NRG1: variants seen among roughly 807,000 people sequenced by gnomAD.
NRG1 encodes the protein pro-neuregulin-1, membrane-bound isoform.
In NRG1, 18 loss-of-function variants were observed where a neutral mutation model predicts 63.8. That is an observed-to-expected ratio of 0.28 (90% CI 0.19 to 0.42). The LOEUF is 0.42. Ranked by LOEUF, NRG1 falls within the 10% of genes least tolerant of loss-of-function variation. NRG1 has a pLI of 1.00. For synonymous variants in NRG1, 302 were observed against 301.3 expected (o/e 1.00, Z -0.02); for missense variants, 762 against 814.7 (o/e 0.94, Z 0.79).
chr8:31,697,085 T>C (rs2131165137), intron 1 of NRG1, among the ~76,000 whole-genome samples: 1 of 152,304 alleles, frequency 6.6e-6, no homozygotes, highest in South Asian at 2.1e-4. Flanking sequence ...TGTGAAGTTT[T>C]CTTTTTCTGG....
At chr8:31,642,940 T>C (rs1287408758) in intron 1 of NRG1, among the ~76,000 whole-genome samples, 2 of 152,100 alleles carry the variant, frequency 1.3e-5, no homozygotes, top group African/African-American at 4.8e-5. Flanking sequence ...TTATATGATG[T>C]AAATTCAGTA....
intron 1 of NRG1, among the ~76,000 whole-genome samples, chr8:32,412,422 A>G (rs202230169): frequency 2.3e-5 from 1 of 43,240 alleles, no homozygotes; most frequent in Non-Finnish European, 5.1e-5. Context: ...CTCTCTCTCT[A>G]CATATATATA....
rs189730123 is a variant in NRG1, at chr8:31,658,683, G to C, written c.37+19252G>C. ...TCACTGTGTTGGCCAGGCTGGTCTC[G>C]AATTCCTAACCTCAAGTAATCTGCC... On this transcript the variant is annotated intron_variant, in intron 1 of 10. Coordinates refer to the NRG1 transcript ENST00000519301. Among the ~76,000 whole-genome samples, 6 of 152,200 alleles carry C rather than the reference G, an allele frequency of 3.9e-5. No homozygotes were observed. The East Asian group carries it at 1.2e-3, about 30-fold the overall frequency.
At chr8:32,079,442 C>T (rs147180680) in intron 1 of NRG1, among the ~76,000 whole-genome samples, 121 of 152,264 alleles carry the variant, frequency 7.9e-4, no homozygotes, top group Middle Eastern at 6.8e-3. Flanking sequence ...ATGGTATTAT[C>T]CCAACTTACA....
chr8:31,889,449 A>G (rs1490923703), intron 1 of NRG1, among the ~76,000 whole-genome samples: 2 of 152,174 alleles, frequency 1.3e-5, no homozygotes, highest in African/African-American at 4.8e-5. Context: ...CAGAACAAAG[A>G]GAATACATTT....
chr8:32,256,316 G>A (rs1042326268), intron 1 of NRG1, among the ~76,000 whole-genome samples: 6 of 152,166 alleles, frequency 3.9e-5, no homozygotes, highest in African/African-American at 1.4e-4. Flanking sequence ...ATCCTCATCT[G>A]TGTGGATTTA....
chr8:32,466,766 G>A (rs970133594), intron 1 of NRG1, among the ~76,000 whole-genome samples: 1 of 151,904 alleles, frequency 6.6e-6, no homozygotes, highest in African/African-American at 2.4e-5. Flanking sequence ...TTTTCTGCTT[G>A]GATGGACTCA....
chr8:32,121,401 G>A (rs1328812415), intron 1 of NRG1, among the ~76,000 whole-genome samples: 1 of 31,904 alleles, frequency 3.1e-5, no homozygotes, highest in Admixed American at 5.8e-4. Context: ...GGGAAATCGT[G>A]TGTGTGTGTG....
chr8:32,714,149 A>T lies in NRG1; in HGVS notation c.503-13800A>T, dbSNP rs1818577604. Among the ~76,000 whole-genome samples the T allele has an allele frequency of 2.0e-5, 3 of 152,176 alleles. No homozygotes were observed. In the South Asian group the frequency reaches 6.2e-4, roughly 31 times the overall value. ...CGAAAAGAAATATTTTGATGCTATGAATGCATTTGTCATTTCTATTCTGTT... is the reference window on the plus strand; with the variant it reads ...CGAAAAGAAATATTTTGATGCTATGTATGCATTTGTCATTTCTATTCTGTT... On this transcript the variant is annotated intron_variant, in intron 5 of 11. Coordinates refer to ENST00000356819, the Ensembl canonical transcript of NRG1.
intron 1 of NRG1, among the ~76,000 whole-genome samples, chr8:31,657,826 G>A (rs1467680986): frequency 6.6e-6 from 1 of 152,150 alleles, no homozygotes; most frequent in Non-Finnish European, 1.5e-5. Context: ...TGCAGCTGCT[G>A]GGAGGCAGAA....
intron 1 of NRG1, among the ~76,000 whole-genome samples, chr8:32,065,545 A>G (rs1247121690): frequency 6.6e-6 from 1 of 152,204 alleles, no homozygotes; most frequent in African/African-American, 2.4e-5. Flanking sequence ...ATAGTATTCC[A>G]TGGTGTATAT....
At chr8:31,938,318 C>A (rs1801237773) in intron 1 of NRG1, among the ~76,000 whole-genome samples, 1 of 152,130 alleles carries the variant, frequency 6.6e-6, no homozygotes, top group Non-Finnish European at 1.5e-5. Flanking sequence ...ACAATCCCTA[C>A]AATTCATCTC....
In NRG1 at chr8:32,596,025, T is replaced by C. The variant is rs1020397667; in HGVS notation, c.278+20T>C. The C allele has an allele frequency of 3.8e-6, 6 of 1,581,744 alleles. No individual in the cohort carries two copies. In the South Asian group the frequency reaches 6.8e-5, roughly 18 times the overall value. On this transcript the variant is annotated intron_variant, in intron 2 of 11. Coordinates refer to ENST00000356819, the Ensembl canonical transcript of NRG1. ...GCCAGGGTAAGTATAATGCATAAAA[T>C]AGTAGAGACTGCCCCCAGCAATAAG...
chr8:32,340,790 C>G (rs762305013), intron 1 of NRG1, among the ~76,000 whole-genome samples: 3 of 152,172 alleles, frequency 2.0e-5, no homozygotes, highest in Non-Finnish European at 4.4e-5. Flanking sequence ...ACTTTTTCTG[C>G]TATATCAGGG....
At chr8:32,370,501 A>G (rs1808669706) in intron 1 of NRG1, among the ~76,000 whole-genome samples, 1 of 152,180 alleles carries the variant, frequency 6.6e-6, no homozygotes, top group East Asian at 1.9e-4. Flanking sequence ...ATTTTCATTC[A>G]GTACAAGCAG....
At chr8:32,485,264 G>A (rs10110271) in intron 1 of NRG1, among the ~76,000 whole-genome samples, 4,700 of 152,058 alleles carry the variant, frequency 0.031, 264 homozygotes, top group African/African-American at 0.1. Context: ...ATAGTACCAC[G>A]CCCAGCTAAT....
At chr8:32,453,471 T>C (rs1417054739) in intron 1 of NRG1, among the ~76,000 whole-genome samples, 2 of 152,198 alleles carry the variant, frequency 1.3e-5, no homozygotes, top group African/African-American at 4.8e-5. Context: ...CACCTCTGCG[T>C]GTGTAAACAT....
In NRG1 at chr8:32,261,129, C is replaced by T. The variant is rs182668758; in HGVS notation, c.38-334699C>T. ...CAGAGAGTTCCTGTATACCTGTCTT[C>T]TAGCTTATGCTAATGTGGAAAACTT... On this transcript the variant is annotated intron_variant, in intron 1 of 10. Coordinates refer to the NRG1 transcript ENST00000519301. Among the ~76,000 whole-genome samples, 61 of 152,286 alleles carry T rather than the reference C, an allele frequency of 4.0e-4. No individual in the cohort carries two copies. In the East Asian group the frequency reaches 0.01, roughly 26 times the overall value.
chr8:31,722,017 C>CT (rs112247327), intron 1 of NRG1, among the ~76,000 whole-genome samples: 6 of 152,208 alleles, frequency 3.9e-5, no homozygotes, highest in African/African-American at 1.2e-4. Flanking sequence ...TCTTTCCAAA[C>CT]TTTCCTTTCC....
Sources: gnomAD v4.1 joint callset for allele counts (sites outside exome capture counted in the v4.1 genomes callset) on GRCh38, gnomAD v4.1.1 for gene constraint, MANE v1.5 for transcripts, NCBI Gene and HGNC (gene_info 2026-07-23, HGNC 2026-07-21) for gene names.